KAT2B: variants seen among roughly 807,000 people sequenced by gnomAD.
The protein encoded by KAT2B is histone acetyltransferase KAT2B.
Under a neutral mutation model 105.9 loss-of-function variants are expected in KAT2B, and 36 were observed. The ratio of observed to expected loss-of-function variants is 0.34; its 90% confidence interval spans 0.26 to 0.45. The LOEUF (loss-of-function observed/expected upper bound fraction) is 0.45. KAT2B is among the 20% of genes least tolerant of loss of function. KAT2B has a pLI of 1.00. For synonymous variants in KAT2B, 397 were observed against 377.9 expected (o/e 1.05, Z -0.59); for missense variants, 820 against 1,021.6 (o/e 0.80, Z 2.69).
chr3:20,093,094 C>A (rs4435661), intron 2 of KAT2B, among the ~76,000 whole-genome samples: 96 of 152,158 alleles, frequency 6.3e-4, no homozygotes, highest in African/African-American at 2.2e-3. Flanking sequence ...CCTCTTAACT[C>A]TCTGAAAATG....
intron 1 of KAT2B, among the ~76,000 whole-genome samples, chr3:20,041,801 C>T (rs888933119): frequency 6.6e-6 from 1 of 152,220 alleles, no homozygotes; most frequent in Non-Finnish European, 1.5e-5. Context: ...GTCAAGTTCC[C>T]AGATTCCAGA....
intron 2 of KAT2B, among the ~76,000 whole-genome samples, chr3:20,073,244 C>G (rs2125181787): frequency 6.6e-6 from 1 of 152,272 alleles, no homozygotes; most frequent in South Asian, 2.1e-4. Context: ...TATACAGTCT[C>G]CCCCAAAATG....
intron 5 of KAT2B, among the ~76,000 whole-genome samples, chr3:20,106,464 C>T (rs936102005): frequency 3.3e-5 from 5 of 150,294 alleles, no homozygotes; most frequent in African/African-American, 1.2e-4. Context: ...CACACACACA[C>T]ATTCTGTCTC....
chr3:20,051,439 G>A (rs76960730), intron 1 of KAT2B, among the ~76,000 whole-genome samples: 5,785 of 152,258 alleles, frequency 0.038, 141 homozygotes, highest in Non-Finnish European at 0.053. Context: ...ACTTGTCCCT[G>A]GTTCTGGAAG....
At chr3:20,100,640 A>G (rs1362692225) in intron 4 of KAT2B, among the ~76,000 whole-genome samples, 1 of 152,196 alleles carries the variant, frequency 6.6e-6, no homozygotes, top group Non-Finnish European at 1.5e-5. Context: ...GTCAGTTTTC[A>G]GTAAATTTTA....
chr3:20,103,339 T>C (rs1698941499), intron 5 of KAT2B, among the ~76,000 whole-genome samples: 2 of 152,186 alleles, frequency 1.3e-5, no homozygotes, highest in Admixed American at 6.5e-5. Flanking sequence ...GAGAAAATAA[T>C]CGTTTCATCA....
At chr3:20,140,416 G>T in intron 13 of KAT2B, 52 bp downstream of exon 13, 1 of 1,593,208 alleles carries the variant, frequency 6.3e-7, no homozygotes. Context: ...TCTTAGCTGG[G>T]GTGGGTTGCA....
At chr3:20,121,480 G>A (rs1022626499) in intron 8 of KAT2B, among the ~76,000 whole-genome samples, 1 of 152,180 alleles carries the variant, frequency 6.6e-6, no homozygotes, top group Non-Finnish European at 1.5e-5. Flanking sequence ...GAAAGCGGAA[G>A]AAAGTTCTCT....
chr3:20,094,357 C>A (rs1698773142), intron 2 of KAT2B, among the ~76,000 whole-genome samples: 2 of 152,228 alleles, frequency 1.3e-5, no homozygotes, highest in South Asian at 4.2e-4. Flanking sequence ...GAAACTGCCT[C>A]CATGATCCAA....
chr3:20,094,461 T>C (rs150607105), intron 2 of KAT2B, among the ~76,000 whole-genome samples: 25 of 152,222 alleles, frequency 1.6e-4, no homozygotes, highest in African/African-American at 5.5e-4. Flanking sequence ...ATCAGAGCCT[T>C]AGTTTCCTCA....
intron 5 of KAT2B, among the ~76,000 whole-genome samples, chr3:20,111,176 A>G (rs1044890346): frequency 2.6e-5 from 4 of 152,226 alleles, no homozygotes; most frequent in African/African-American, 7.2e-5. Context: ...CAGTTATACT[A>G]TGCATTTTAT....
intron 2 of KAT2B, among the ~76,000 whole-genome samples, chr3:20,077,909 TCA>T (rs1298479828): frequency 2.6e-5 from 4 of 152,212 alleles, no homozygotes; most frequent in Non-Finnish European, 5.9e-5. Flanking sequence ...GCATGGTGGC[TCA>T]CACCTGTAAT....
intron 13 of KAT2B, among the ~76,000 whole-genome samples, chr3:20,142,926 T>C (rs1699719522): frequency 7.1e-6 from 1 of 140,536 alleles, no homozygotes. Flanking sequence ...CCTATGTACA[T>C]GTATGTGTGG....
At position 20,152,379 on chromosome 3, in the gene KAT2B, A is replaced by G. The variant is rs887255264; in HGVS notation, c.2353A>G (p.Lys785Glu). 5.0e-6 allele frequency: 8 copies of G among 1,613,390 alleles called. No homozygotes were observed. The African/African-American group carries it at 8.0e-5, about 16-fold the overall frequency. Residue 785 changes from lysine (K) to glutamate (E), a missense_variant, in exon 18 of 18, where the codon AAG becomes GAG. Physicochemically the swap from Lys to Glu is moderately conservative, Grantham distance 56. Around this residue, in one of 6 missense-constraint regions of KAT2B, gnomAD observed 227 missense variants for 292.9 expected, o/e 0.77. Coordinates refer to ENST00000263754, the MANE Select transcript of KAT2B (RefSeq NM_003884.5). The stretch of plus-strand genomic sequence containing the variant: ...CCTCAAGAATAGGTACTACGTGTCT[A>G]AGAAATTATTCATGGCAGACTTACA... Reference protein sequence around the residue: ...ERLKNRYYVSKKLFMADLQRV... With the variant: ...ERLKNRYYVSEKLFMADLQRV...
In KAT2B at chr3:20,119,734, A is replaced by C; in HGVS notation, c.1276+11A>C. ...TTGAGGCAAACCCAGGTAAGCTCTTAAGAGGGGATAAGAGAGGGCTGTGAC... is the reference window on the plus strand; with the variant it reads ...TTGAGGCAAACCCAGGTAAGCTCTTCAGAGGGGATAAGAGAGGGCTGTGAC... On this transcript the variant is annotated intron_variant, in intron 8 of 17. Coordinates refer to ENST00000263754, the MANE Select transcript of KAT2B (RefSeq NM_003884.5). The C allele has an allele frequency of 6.2e-7, 1 of 1,613,556 alleles. No homozygotes were observed. The highest frequency in any genetic ancestry group is 1.1e-5 in the South Asian group (1 of 91,052).
chr3:20,062,543 C>T lies in KAT2B; in HGVS notation c.304-9790C>T, dbSNP rs541973043. The stretch of plus-strand genomic sequence containing the variant: ...GTGGCATGATCTCGGCTCATTGTAA[C>T]GTCTGCCTCCTGGGTTCAAGCGATT... On this transcript the variant is annotated intron_variant, in intron 1 of 17. Coordinates refer to ENST00000263754, the MANE Select transcript of KAT2B (RefSeq NM_003884.5). Among the ~76,000 whole-genome samples, 64 of 148,516 alleles carry T rather than the reference C, an allele frequency of 4.3e-4. No individual in the cohort carries two copies. In the East Asian group the frequency reaches 7.2e-3, roughly 17 times the overall value.
intron 1 of KAT2B, among the ~76,000 whole-genome samples, chr3:20,056,661 G>C (rs1422858820): frequency 6.6e-6 from 1 of 152,176 alleles, no homozygotes; most frequent in African/African-American, 2.4e-5. Flanking sequence ...GGGTCTGCTA[G>C]GTTAGGAAGA....
intron 11 of KAT2B, among the ~76,000 whole-genome samples, chr3:20,134,451 C>T (rs1699565524): frequency 6.6e-6 from 1 of 152,180 alleles, no homozygotes; most frequent in African/African-American, 2.4e-5. Context: ...GGCTGGAGTG[C>T]GTTGGCGCGA....
intron 3 of KAT2B, among the ~76,000 whole-genome samples, chr3:20,097,501 C>T (rs1411776557): frequency 3.3e-5 from 5 of 151,134 alleles, no homozygotes; most frequent in African/African-American, 1.2e-4. Context: ...AAGGCAATTC[C>T]TAAAAACAAA....
Sources: gnomAD v4.1 joint callset for allele counts (sites outside exome capture counted in the v4.1 genomes callset) on GRCh38, gnomAD v4.1.1 for gene constraint, gnomAD v4.1.1 regional missense constraint, MANE v1.5 for transcripts, NCBI Gene and HGNC (gene_info 2026-07-23, HGNC 2026-07-21) for gene names.